Variants in HPSE2 observed in about 807,000 individuals in gnomAD.
HPSE2 encodes the protein heparanase 2 (inactive), also known as inactive heparanase-2.
Under a neutral mutation model 60.5 loss-of-function variants are expected in HPSE2, and 38 were observed. The observed-to-expected ratio is 0.63, with a 90% CI of 0.48 to 0.82. HPSE2 has a LOEUF of 0.82. Among genes scored for constraint, HPSE2 ranks in the 40% least tolerant of loss-of-function variants. The pLI, the probability that HPSE2 is intolerant of heterozygous loss-of-function variation, is 0.00. For synonymous variants in HPSE2, 295 were observed against 293.2 expected (o/e 1.01, Z -0.06); for missense variants, 713 against 740.4 (o/e 0.96, Z 0.43).
intron 9 of HPSE2, among the ~76,000 whole-genome samples, chr10:98,533,660 T>G (rs1376397920): frequency 1.3e-5 from 2 of 152,126 alleles, no homozygotes; most frequent in Non-Finnish European, 2.9e-5. Flanking sequence ...GAAGACTATT[T>G]CCTGAAACAA....
At chr10:98,861,073 C>T (rs927912449) in intron 3 of HPSE2, among the ~76,000 whole-genome samples, 1 of 152,138 alleles carries the variant, frequency 6.6e-6, no homozygotes, top group African/African-American at 2.4e-5. Flanking sequence ...ACAAAACATT[C>T]TAATGGAGAT....
At chr10:98,901,383 G>A (rs370368584) in intron 3 of HPSE2, among the ~76,000 whole-genome samples, 31 of 152,282 alleles carry the variant, frequency 2.0e-4, no homozygotes, top group African/African-American at 7.5e-4. Flanking sequence ...AAAACAAAGT[G>A]TCCTCCAAGT....
intron 3 of HPSE2, among the ~76,000 whole-genome samples, chr10:99,039,486 A>G (rs1957686203): frequency 6.6e-6 from 1 of 151,314 alleles, no homozygotes; most frequent in African/African-American, 2.4e-5. Context: ...TTTAAAAATG[A>G]AGACTATTAG....
chr10:99,066,440 C>A (rs1842620766), intron 3 of HPSE2, among the ~76,000 whole-genome samples: 1 of 152,164 alleles, frequency 6.6e-6, no homozygotes, highest in Non-Finnish European at 1.5e-5. Flanking sequence ...TTAGTCTGTT[C>A]TCATGATGCT....
chr10:99,242,487 G>A, the HPSE2 span, among the ~76,000 whole-genome samples: 1 of 152,108 alleles, frequency 6.6e-6, no homozygotes, highest in Non-Finnish European at 1.5e-5. Context: ...AAACCCCTTA[G>A]CATGTTTGGA....
intron 3 of HPSE2, among the ~76,000 whole-genome samples, chr10:98,793,294 G>A (rs981218832): frequency 1.3e-5 from 2 of 152,162 alleles, no homozygotes; most frequent in African/African-American, 4.8e-5. Context: ...AGCACTTTAG[G>A]TGTTAACTTT....
intron 11 of HPSE2, among the ~76,000 whole-genome samples, chr10:98,471,002 C>A (rs189153857): frequency 6.6e-6 from 1 of 152,150 alleles, no homozygotes; most frequent in African/African-American, 2.4e-5. Flanking sequence ...ATCCTCTAAT[C>A]GGCACAGTGA....
intron 3 of HPSE2, among the ~76,000 whole-genome samples, chr10:98,868,073 G>A (rs1209952772): frequency 1.8e-5 from 2 of 113,198 alleles, no homozygotes; most frequent in African/African-American, 6.8e-5. Context: ...AAAAAAGAAA[G>A]AAAGAAAATA....
At chr10:99,305,961 A>ATACGCGCGCGCGCG in the HPSE2 span, among the ~76,000 whole-genome samples, 4 of 103,054 alleles carry the variant, frequency 3.9e-5, no homozygotes, top group Non-Finnish European at 5.6e-5. Flanking sequence ...ACTCACACAC[A>ATACGCGCGCGCGCG]CGCGCGCGCG....
intron 2 of HPSE2, among the ~76,000 whole-genome samples, chr10:99,146,599 C>T (rs201005120): frequency 1.3e-5 from 2 of 152,158 alleles, no homozygotes; most frequent in Middle Eastern, 3.2e-3. Flanking sequence ...CAGTGGCTCA[C>T]GCCTGTAATC....
intron 6 of HPSE2, among the ~76,000 whole-genome samples, chr10:98,662,788 C>T (rs1287835039): frequency 6.6e-6 from 1 of 152,196 alleles, no homozygotes; most frequent in Non-Finnish European, 1.5e-5. Context: ...TCTTATTTTA[C>T]AGCTAGGAAC....
intron 5 of HPSE2, among the ~76,000 whole-genome samples, chr10:98,714,936 A>G (rs1948756892): frequency 6.6e-6 from 1 of 151,782 alleles, no homozygotes; most frequent in Non-Finnish European, 1.5e-5. Flanking sequence ...AACAACTAAC[A>G]ATGTTAAGTA....
Position 98,476,151 on chromosome 10 carries a change from T to C in HPSE2, c.1613+6485A>G, listed in dbSNP as rs559880871. 4.0e-4 allele frequency among the ~76,000 whole-genome samples: 60 copies of C among 151,346 alleles called. No homozygotes were observed. The East Asian group carries it at 7.5e-3, about 19-fold the overall frequency. On this transcript the variant is annotated intron_variant, in intron 11 of 11. Coordinates refer to ENST00000370552, the MANE Select transcript of HPSE2 (RefSeq NM_021828.5). Reference sequence around the variant, plus strand: ...TGGAATACTATGCAGCCATAAAAAATGATGAGTTCATGTCCTTTGTAGGGA... The same window carrying C: ...TGGAATACTATGCAGCCATAAAAAACGATGAGTTCATGTCCTTTGTAGGGA...
intron 4 of HPSE2, among the ~76,000 whole-genome samples, chr10:98,722,746 T>C (rs1948960112): frequency 1.3e-5 from 2 of 152,254 alleles, no homozygotes; most frequent in Admixed American, 1.3e-4. Flanking sequence ...GCTAATTTGA[T>C]TTGGAATGGT....
intron 3 of HPSE2, among the ~76,000 whole-genome samples, chr10:99,134,660 A>G (rs1373424819): frequency 6.6e-6 from 1 of 152,230 alleles, no homozygotes; most frequent in East Asian, 1.9e-4. Context: ...CATTACAGAC[A>G]AGTAAATGAT....
At chr10:98,817,944 A>G (rs1951330685) in intron 3 of HPSE2, among the ~76,000 whole-genome samples, 1 of 152,176 alleles carries the variant, frequency 6.6e-6, no homozygotes, top group Admixed American at 6.5e-5. Context: ...ATCTCTCAGT[A>G]TACACAAGGG....
chr10:99,011,472 T>C (rs555832599), intron 3 of HPSE2, among the ~76,000 whole-genome samples: 4 of 151,964 alleles, frequency 2.6e-5, no homozygotes, highest in Non-Finnish European at 4.4e-5. Context: ...ATGAAAGATA[T>C]ACAGGCTGGG....
chr10:99,286,350 A>G, the HPSE2 span, among the ~76,000 whole-genome samples: 1 of 152,252 alleles, frequency 6.6e-6, no homozygotes, highest in Non-Finnish European at 1.5e-5. Context: ...ATGGATAAAT[A>G]AAATCTTATA....
intron 6 of HPSE2, among the ~76,000 whole-genome samples, chr10:98,693,317 T>C (rs1948127674): frequency 1.3e-5 from 2 of 152,236 alleles, no homozygotes; most frequent in African/African-American, 4.8e-5. Flanking sequence ...ATTTATCAGA[T>C]AATTGTATTT....
Sources: allele counts gnomAD v4.1 joint callset (sites outside exome capture counted in the v4.1 genomes callset), GRCh38; gene constraint gnomAD v4.1.1; transcripts MANE v1.5; gene names NCBI Gene and HGNC (gene_info 2026-07-23, HGNC 2026-07-21).